The following MSRA variants were observed in gnomAD, a reference collection of about 807,000 sequenced individuals.
MSRA encodes methionine sulfoxide reductase A, also known as mitochondrial peptide methionine sulfoxide reductase.
In MSRA, 54 loss-of-function variants were observed where a neutral mutation model predicts 31.3. The ratio of observed to expected loss-of-function variants is 1.73; its 90% CI spans 1.39 to 2.17. The LOEUF (loss-of-function observed/expected upper bound fraction) is 2.17, where lower values mean the gene tolerates loss of function less well. Ranked by LOEUF, MSRA falls within the 30% of genes most tolerant of loss-of-function variation. The pLI is 0.00. For missense variants in MSRA, 507 were observed against 300.9 expected, an observed-to-expected ratio of 1.69 and a Z score of -5.07; for synonymous variants, 169 against 116.5, an observed-to-expected ratio of 1.45 and a Z score of -2.90.
chr8:10,242,511 G>A (rs1010465444), intron 2 of MSRA, among the ~76,000 whole-genome samples: 9 of 152,152 alleles, frequency 5.9e-5, no homozygotes, highest in Non-Finnish European at 1.0e-4. Flanking sequence ...GTGGTTGTAA[G>A]GGTGTTTGCC....
chr8:10,289,693 A>G (rs138273118), intron 3 of MSRA, among the ~76,000 whole-genome samples: 49 of 152,306 alleles, frequency 3.2e-4, no homozygotes, highest in African/African-American at 1.1e-3. Flanking sequence ...GACCCCTTCT[A>G]TTATCATGCT....
At chr8:10,112,532 C>A (rs1800365693) in intron 1 of MSRA, among the ~76,000 whole-genome samples, 1 of 152,042 alleles carries the variant, frequency 6.6e-6, no homozygotes, top group Non-Finnish European at 1.5e-5. Context: ...ATAAGAAATA[C>A]AAATACTGGA....
chr8:10,199,889 C>T (rs1357820049), intron 1 of MSRA, among the ~76,000 whole-genome samples: 1 of 152,162 alleles, frequency 6.6e-6, no homozygotes, highest in East Asian at 1.9e-4. Flanking sequence ...ACTCCTGGCA[C>T]TTATCAATGT....
intron 1 of MSRA, among the ~76,000 whole-genome samples, chr8:10,177,408 C>T (rs978937136): frequency 7.2e-5 from 11 of 152,132 alleles, no homozygotes; most frequent in African/African-American, 1.7e-4. Context: ...ATCCTAGAGT[C>T]GATTGCTTTT....
chr8:10,258,748 G>A (rs1798312912), intron 3 of MSRA, among the ~76,000 whole-genome samples: 1 of 152,204 alleles, frequency 6.6e-6, no homozygotes, highest in African/African-American at 2.4e-5. Context: ...AGAGGTCTTG[G>A]CAAAACCAGG....
At chr8:10,360,677 A>T (rs939293957) in intron 5 of MSRA, among the ~76,000 whole-genome samples, 2 of 152,178 alleles carry the variant, frequency 1.3e-5, no homozygotes, top group Admixed American at 1.3e-4. Flanking sequence ...TCCAGCCCCA[A>T]AGCAGGCACA....
chr8:10,393,879 C>G (rs942066814), intron 5 of MSRA, among the ~76,000 whole-genome samples: 3 of 152,188 alleles, frequency 2.0e-5, no homozygotes, highest in African/African-American at 4.8e-5. Context: ...CATGTACATG[C>G]ATAGGGTTGG....
intron 2 of MSRA, among the ~76,000 whole-genome samples, chr8:10,215,994 G>C (rs1801334652): frequency 6.6e-6 from 1 of 152,094 alleles, no homozygotes; most frequent in Non-Finnish European, 1.5e-5. Context: ...ACTTTTTTAA[G>C]AAGAGAAACA....
At chr8:10,376,688 A>ATCTAGATC (rs1414174260) in intron 5 of MSRA, among the ~76,000 whole-genome samples, 2 of 152,214 alleles carry the variant, frequency 1.3e-5, no homozygotes, top group Non-Finnish European at 2.9e-5. Context: ...GGAGTTTTTG[A>ATCTAGATC]ACCAGTTTTA....
intron 1 of MSRA, among the ~76,000 whole-genome samples, chr8:10,166,444 G>C (rs1805132476): frequency 6.6e-6 from 1 of 152,130 alleles, no homozygotes; most frequent in African/African-American, 2.4e-5. Flanking sequence ...GTATGCATTT[G>C]TGTGACTACA....
chr8:10,096,107 G>A (rs991626916), intron 1 of MSRA: 19 of 1,296,742 alleles, frequency 1.5e-5, no homozygotes, highest in Non-Finnish European at 1.9e-5. Flanking sequence ...TTTTCAAGGA[G>A]CCTTTCTAAG....
At chr8:10,367,794 C>G (rs1805252942) in intron 5 of MSRA, among the ~76,000 whole-genome samples, 1 of 152,232 alleles carries the variant, frequency 6.6e-6, no homozygotes, top group African/African-American at 2.4e-5. Flanking sequence ...TGCCTTCACC[C>G]ACAGCACATC....
intron 3 of MSRA, among the ~76,000 whole-genome samples, chr8:10,281,804 A>G (rs1260561544): frequency 6.6e-6 from 1 of 152,226 alleles, no homozygotes; most frequent in Non-Finnish European, 1.5e-5. Context: ...GCTGATCAAG[A>G]CGAAGGCTAT....
rs941562251 is a variant in MSRA, at chr8:10,117,531, T to C, written c.142+62873T>C. Among the ~76,000 whole-genome samples, 5 of 152,302 alleles carry C rather than the reference T, an allele frequency of 3.3e-5. No individual in the cohort carries two copies. In the East Asian group the frequency reaches 9.7e-4, roughly 29 times the overall value. Reference sequence around the variant, plus strand: ...TAGTTCCTTGATATACATGTAAGTTTCTATGTGGGGTATTAGAATGAATCC... The same window carrying C: ...TAGTTCCTTGATATACATGTAAGTTCCTATGTGGGGTATTAGAATGAATCC... On this transcript the variant is annotated intron_variant, in intron 1 of 5. Coordinates refer to ENST00000317173, the MANE Select transcript of MSRA (RefSeq NM_012331.5).
At chr8:10,240,009 A>C (rs1314798287) in intron 2 of MSRA, among the ~76,000 whole-genome samples, 1 of 152,196 alleles carries the variant, frequency 6.6e-6, no homozygotes, top group Admixed American at 6.5e-5. Flanking sequence ...AAACAGGTGG[A>C]AACCAGCTGT....
At chr8:10,359,133 G>C (rs1804690811) in intron 5 of MSRA, among the ~76,000 whole-genome samples, 1 of 152,054 alleles carries the variant, frequency 6.6e-6, no homozygotes, top group South Asian at 2.1e-4. Context: ...TTTAATTTCA[G>C]GGAAGTTGTC....
chr8:10,207,685 C>G, intron 1 of MSRA, 148 bp from the exon 2 acceptor site: 2 of 634,778 alleles, frequency 3.2e-6, no homozygotes, highest in African/African-American at 1.9e-5. Context: ...AGATGAAAAA[C>G]AAAATAATTG....
chr8:10,146,964 C>T (rs1366905538), intron 1 of MSRA, among the ~76,000 whole-genome samples: 1 of 152,192 alleles, frequency 6.6e-6, no homozygotes, highest in Admixed American at 6.5e-5. Flanking sequence ...TACTCACAGA[C>T]CTGTGGTAGA....
At chr8:10,175,698 T>A (rs1390357389) in intron 1 of MSRA, among the ~76,000 whole-genome samples, 1 of 152,246 alleles carries the variant, frequency 6.6e-6, no homozygotes, top group Non-Finnish European at 1.5e-5. Context: ...CTTTTCACTT[T>A]GAAGATGTTT....
Sources: gnomAD v4.1 joint callset for allele counts (sites outside exome capture counted in the v4.1 genomes callset) on GRCh38, gnomAD v4.1.1 for gene constraint, MANE v1.5 for transcripts, NCBI Gene and HGNC (gene_info 2026-07-23, HGNC 2026-07-21) for gene names.